Variants in GALNT17 observed in about 807,000 individuals in gnomAD.
GALNT17 encodes the protein UDP-GalNAc:polypeptide N-acetylgalactosaminyltransferase-like 3.
A neutral mutation model predicts 63.7 loss-of-function variants in GALNT17; 29 were observed. The ratio of observed to expected loss-of-function variants is 0.46; its 90% CI spans 0.34 to 0.62. The LOEUF is 0.62. GALNT17 is among the 20% of genes least tolerant of loss of function. The probability of loss-of-function intolerance (pLI) is 0.01; values close to 1 mark genes in which losing one functional copy is unlikely to be tolerated. For synonymous variants in GALNT17, 305 were observed against 318.3 expected, an observed-to-expected ratio of 0.96 and a Z score of 0.45; for missense variants, 603 against 799.6, an observed-to-expected ratio of 0.75 and a Z score of 2.97.
chr7:71,450,355 G>A (rs978510263), intron 5 of GALNT17, among the ~76,000 whole-genome samples: 3 of 151,858 alleles, frequency 2.0e-5, no homozygotes, highest in South Asian at 2.1e-4. Flanking sequence ...GGCTGGTCTC[G>A]TCGCGACCTC....
At chr7:71,644,953 C>T (rs1038757159) in intron 6 of GALNT17, among the ~76,000 whole-genome samples, 1 of 152,120 alleles carries the variant, frequency 6.6e-6, no homozygotes, top group African/African-American at 2.4e-5. Context: ...GCTTCTTTAA[C>T]ACTGTGGCTC....
chr7:71,301,852 C>G (rs909730371), intron 1 of GALNT17, among the ~76,000 whole-genome samples: 1 of 152,112 alleles, frequency 6.6e-6, no homozygotes. Context: ...TTGAATGAAC[C>G]CTTTATAGGC....
intron 1 of GALNT17, among the ~76,000 whole-genome samples, chr7:71,206,659 A>T (rs1290740586): frequency 6.6e-6 from 1 of 151,994 alleles, no homozygotes; most frequent in Non-Finnish European, 1.5e-5. Context: ...TGTCAGGGCG[A>T]CCAAGACGGT....
rs183823341 is a variant in GALNT17 at position 71,685,280 on chromosome 7, G to A, written c.1500+7974G>A. On this transcript the variant is annotated intron_variant, in intron 9 of 10. Transcript: ENST00000333538. ...GCAGGTGGTTCAGGGTGGCCCAAAA[G>A]GGACAGAGTATGGAGATCCTCCGGT... Among the ~76,000 whole-genome samples, 483 of 152,212 alleles carry A rather than the reference G, an allele frequency of 3.2e-3. 1 individual carries two copies. The highest frequency in any genetic ancestry group is 0.011 in the African/African-American group (461 of 41,526).
intron 5 of GALNT17, among the ~76,000 whole-genome samples, chr7:71,531,475 T>C (rs1429685025): frequency 6.6e-6 from 1 of 152,226 alleles, no homozygotes; most frequent in East Asian, 1.9e-4. Flanking sequence ...GCTGCACACA[T>C]ACTAGTAGTA....
At chr7:71,362,939 C>T (rs1343981713) in intron 2 of GALNT17, among the ~76,000 whole-genome samples, 2 of 152,070 alleles carry the variant, frequency 1.3e-5, no homozygotes, top group Admixed American at 1.3e-4. Flanking sequence ...ATGTTGCCCT[C>T]CACACCTTCT....
intron 1 of GALNT17, chr7:71,300,938 C>T (rs529962348): frequency 1.3e-5 from 2 of 152,646 alleles, no homozygotes; most frequent in African/African-American, 4.8e-5. Flanking sequence ...ACCACTTATT[C>T]CACTTTTACA....
chr7:71,670,047 T>A lies in GALNT17; in HGVS notation c.1342T>A (p.Trp448Arg). The A allele has an allele frequency of 6.2e-7, 1 of 1,614,094 alleles. No individual in the cohort carries two copies. Residue 448 changes from tryptophan (W) to arginine (R), a missense_variant, in exon 8 of 11, where the codon TGG becomes AGG. Physicochemically the swap from Trp to Arg is moderately radical, Grantham distance 101. Around this residue, in one of 3 missense-constraint regions of GALNT17, gnomAD observed 336 missense variants for 507.8 expected, o/e 0.66. Coordinates refer to ENST00000333538, the MANE Select transcript of GALNT17 (RefSeq NM_022479.3). ...AAGTTTAAAGTGTAAGAATTTCCAG[T>A]GGTACCTGGACCATGTTTACCCAGA... ...RKSLKCKNFQWYLDHVYPEMR... is the reference protein window; with the variant it reads ...RKSLKCKNFQRYLDHVYPEMR...
At chr7:71,532,478 T>G (rs751275144) in intron 5 of GALNT17, among the ~76,000 whole-genome samples, 1 of 152,212 alleles carries the variant, frequency 6.6e-6, no homozygotes, top group Non-Finnish European at 1.5e-5. Context: ...ATCATCACTT[T>G]CTGGGCTAAA....
intron 1 of GALNT17, among the ~76,000 whole-genome samples, chr7:71,163,470 A>T (rs561163663): frequency 1.4e-4 from 22 of 152,324 alleles, no homozygotes; most frequent in African/African-American, 4.8e-4. Context: ...AAGGAAGCAG[A>T]TTCAGAAAAT....
intron 1 of GALNT17, among the ~76,000 whole-genome samples, chr7:71,288,245 C>T (rs543231396): frequency 1.4e-5 from 2 of 140,100 alleles, no homozygotes; most frequent in East Asian, 2.1e-4. Context: ...AAAATCCAAA[C>T]GAAGAGAAAA....
intron 2 of GALNT17, among the ~76,000 whole-genome samples, chr7:71,342,840 G>A (rs1366785494): frequency 6.6e-6 from 1 of 152,156 alleles, no homozygotes; most frequent in East Asian, 1.9e-4. Context: ...GAAGGAGACT[G>A]TGTATGTTTT....
intron 5 of GALNT17, among the ~76,000 whole-genome samples, chr7:71,533,931 C>T (rs907912736): frequency 2.0e-5 from 3 of 152,150 alleles, no homozygotes; most frequent in Non-Finnish European, 2.9e-5. Context: ...AGGGGTCTGG[C>T]GTCTCTTTAA....
chr7:71,501,351 A>G (rs1788177730), intron 5 of GALNT17, among the ~76,000 whole-genome samples: 1 of 151,456 alleles, frequency 6.6e-6, no homozygotes, highest in Admixed American at 6.6e-5. Context: ...TGCAGCCTCA[A>G]ACTCCTGGCC....
chr7:71,345,244 G>A (rs1792071544), intron 2 of GALNT17, among the ~76,000 whole-genome samples: 1 of 151,702 alleles, frequency 6.6e-6, no homozygotes, highest in African/African-American at 2.4e-5. Context: ...TACTGTGAGG[G>A]AGGGACCACA....
At chr7:71,214,525 T>C (rs1789439241) in intron 1 of GALNT17, among the ~76,000 whole-genome samples, 1 of 151,984 alleles carries the variant, frequency 6.6e-6, no homozygotes, top group South Asian at 2.1e-4. Flanking sequence ...TTTAAAACAA[T>C]GTGGAAAAAC....
At chr7:71,386,692 G>A (rs1380379871) in intron 2 of GALNT17, among the ~76,000 whole-genome samples, 2 of 152,130 alleles carry the variant, frequency 1.3e-5, no homozygotes, top group Admixed American at 1.3e-4. Context: ...CTGCGCTCGG[G>A]CATATGAGGG....
At position 71,324,788 on chromosome 7, in the gene GALNT17, T is replaced by A. The variant is rs184929465; in HGVS notation, c.239-10762T>A. On this transcript the variant is annotated intron_variant, in intron 1 of 10. Coordinates refer to ENST00000333538, the MANE Select transcript of GALNT17 (RefSeq NM_022479.3). ...ATATATATACACATACGCATGTGAATTTAAAAATATACATATAGCACACAT... is the reference window on the plus strand; with the variant it reads ...ATATATATACACATACGCATGTGAAATTAAAAATATACATATAGCACACAT... Among the ~76,000 whole-genome samples, 36 of 152,326 alleles carry A rather than the reference T, an allele frequency of 2.4e-4. No individual in the cohort carries two copies. In the East Asian group the frequency reaches 5.8e-3, roughly 24 times the overall value.
intron 1 of GALNT17, among the ~76,000 whole-genome samples, chr7:71,154,817 C>T (rs1465621132): frequency 6.6e-6 from 1 of 151,856 alleles, no homozygotes; most frequent in Non-Finnish European, 1.5e-5. Flanking sequence ...ACCTCATGAT[C>T]CACCCGCCTT....
Sources: allele counts gnomAD v4.1 joint callset (sites outside exome capture counted in the v4.1 genomes callset), GRCh38; gene constraint gnomAD v4.1.1; regional missense constraint gnomAD v4.1.1; transcripts MANE v1.5; gene names NCBI Gene and HGNC (gene_info 2026-07-23, HGNC 2026-07-21).